RBFOX1: variants seen among roughly 807,000 people sequenced by gnomAD.
RBFOX1 encodes RNA binding fox-1 homolog 1, also known as RNA binding protein fox-1 homolog 1.
In RBFOX1, 8 loss-of-function variants were observed where a neutral mutation model predicts 57.7. The ratio of observed to expected loss-of-function variants is 0.14; its 90% CI spans 0.08 to 0.25. The LOEUF is 0.25. Ranked by LOEUF, RBFOX1 falls within the 10% of genes least tolerant of loss-of-function variation. The pLI is 1.00. For missense variants in RBFOX1, 611 were observed against 548.5 expected (o/e 1.11, Z -1.14); for synonymous variants, 326 against 222.4 (o/e 1.47, Z -4.15).
intron 4 of RBFOX1, among the ~76,000 whole-genome samples, chr16:7,057,299 A>T (rs1241293813): frequency 6.6e-6 from 1 of 152,190 alleles, no homozygotes; most frequent in African/African-American, 2.4e-5. Context: ...GATTCCAGCT[A>T]TCTTAAGCAG....
intron 1 of RBFOX1, among the ~76,000 whole-genome samples, chr16:5,355,965 C>T (rs2065378174): frequency 6.6e-6 from 1 of 152,132 alleles, no homozygotes; most frequent in Admixed American, 6.5e-5. Context: ...GTGGCCCGTG[C>T]CTGTAATCTC....
chr16:7,059,763 C>A (rs956662904), intron 4 of RBFOX1, among the ~76,000 whole-genome samples: 2 of 152,166 alleles, frequency 1.3e-5, no homozygotes, highest in African/African-American at 4.8e-5. Flanking sequence ...TCACCCGTTG[C>A]AGTGTCTGCT....
intron 2 of RBFOX1, among the ~76,000 whole-genome samples, chr16:6,370,964 C>T (rs1403908831): frequency 1.3e-5 from 2 of 152,150 alleles, no homozygotes; most frequent in African/African-American, 2.4e-5. Context: ...CAATTTGGGT[C>T]TTTCAGCTGT....
At chr16:7,587,525 A>C (rs1259613427) in intron 7 of RBFOX1, among the ~76,000 whole-genome samples, 1 of 152,174 alleles carries the variant, frequency 6.6e-6, no homozygotes, top group African/African-American at 2.4e-5. Context: ...ATATATATCA[A>C]GTTTCCAGAG....
intron 1 of RBFOX1, among the ~76,000 whole-genome samples, chr16:6,275,406 C>T (rs2075695793): frequency 6.6e-6 from 1 of 152,216 alleles, no homozygotes. Flanking sequence ...GGTGGTATTT[C>T]TGCAGTGCTT....
At chr16:6,471,541 C>T (rs565285563) in intron 2 of RBFOX1, among the ~76,000 whole-genome samples, 3 of 148,986 alleles carry the variant, frequency 2.0e-5, no homozygotes, top group African/African-American at 2.5e-5. Flanking sequence ...ATTTCTGTGA[C>T]ATTCTCAGGT....
chr16:7,047,937 G>A (rs1301975918), intron 3 of RBFOX1, among the ~76,000 whole-genome samples: 1 of 151,592 alleles, frequency 6.6e-6, no homozygotes, highest in Non-Finnish European at 1.5e-5. Context: ...GGAGTGCAGT[G>A]GTGCAGTCTT....
chr16:6,226,167 C>T, intron 1 of RBFOX1, among the ~76,000 whole-genome samples: 1 of 147,466 alleles, frequency 6.8e-6, no homozygotes, highest in East Asian at 2.0e-4. Flanking sequence ...CGAGACCAGC[C>T]TGCAACATGG....
In RBFOX1 at chr16:6,903,496, G is replaced by A. The variant is rs2068986764; in HGVS notation, c.-15-148561G>A. Among the ~76,000 whole-genome samples, 9 of 152,264 alleles carry A rather than the reference G, an allele frequency of 5.9e-5. No individual in the cohort carries two copies. In the Middle Eastern group the frequency reaches 0.02, roughly 345 times the overall value. On this transcript the variant is annotated intron_variant, in intron 3 of 15. Coordinates refer to ENST00000550418, the MANE Select transcript of RBFOX1 (RefSeq NM_018723.4). ...AGTGTCTAGTGTTCAGCAAGTGCTGGTAAAATAAATACATGATGTGGGGGA... is the reference window on the plus strand; with the variant it reads ...AGTGTCTAGTGTTCAGCAAGTGCTGATAAAATAAATACATGATGTGGGGGA...
At chr16:6,892,705 G>A (rs765465217) in intron 3 of RBFOX1, among the ~76,000 whole-genome samples, 2 of 151,706 alleles carry the variant, frequency 1.3e-5, no homozygotes, top group Non-Finnish European at 2.9e-5. Context: ...GTGAAGTACA[G>A]TGCTATTTGT....
intron 3 of RBFOX1, among the ~76,000 whole-genome samples, chr16:5,666,231 G>T (rs1394348350): frequency 6.6e-6 from 1 of 152,180 alleles, no homozygotes; most frequent in Non-Finnish European, 1.5e-5. Context: ...GGGGCATCTG[G>T]TCCAGTTCCC....
At chr16:7,535,519 G>C (rs527347211) in intron 5 of RBFOX1, among the ~76,000 whole-genome samples, 10 of 152,314 alleles carry the variant, frequency 6.6e-5, no homozygotes, top group African/African-American at 2.2e-4. Flanking sequence ...AGGGAAGGGA[G>C]GCCTTCCATG....
intron 4 of RBFOX1, among the ~76,000 whole-genome samples, chr16:7,486,922 T>C (rs2065554960): frequency 6.6e-6 from 1 of 152,164 alleles, no homozygotes; most frequent in Admixed American, 6.5e-5. Context: ...CTTTTTGAAA[T>C]GGAGTCTTGC....
At chr16:5,399,609 T>G (rs761851808) in intron 1 of RBFOX1, among the ~76,000 whole-genome samples, 7 of 152,232 alleles carry the variant, frequency 4.6e-5, no homozygotes, top group Admixed American at 1.3e-4. Flanking sequence ...GGTGCCCATC[T>G]GTAGTCCCAG....
At chr16:6,503,428 T>C (rs1452244956) in intron 2 of RBFOX1, among the ~76,000 whole-genome samples, 1 of 152,178 alleles carries the variant, frequency 6.6e-6, no homozygotes, top group African/African-American at 2.4e-5. Flanking sequence ...AAAAATCATA[T>C]GTTTGTTCAC....
At chr16:5,907,853 C>G (rs1354716665) in intron 4 of RBFOX1, among the ~76,000 whole-genome samples, 2 of 151,570 alleles carry the variant, frequency 1.3e-5, no homozygotes, top group African/African-American at 2.4e-5. Flanking sequence ...CAGGTTCAAG[C>G]AATTCTCCTG....
chr16:7,708,761 C>G (rs1171809383), intron 14 of RBFOX1, among the ~76,000 whole-genome samples: 1 of 152,152 alleles, frequency 6.6e-6, no homozygotes, highest in African/African-American at 2.4e-5. Context: ...TCTAAGGCAG[C>G]TACTTGAGCA....
At chr16:6,793,079 G>C (rs2083284442) in intron 3 of RBFOX1, among the ~76,000 whole-genome samples, 1 of 151,712 alleles carries the variant, frequency 6.6e-6, no homozygotes, top group Admixed American at 6.6e-5. Flanking sequence ...TTAGCCACTT[G>C]GATGCTCTCT....
chr16:6,038,079 G>A (rs978251515), intron 1 of RBFOX1: 22 of 151,926 alleles, frequency 1.4e-4, no homozygotes, highest in African/African-American at 1.5e-4. Context: ...ATTTTTTGGC[G>A]GGGGATTGAC....
Sources: allele counts gnomAD v4.1 joint callset (sites outside exome capture counted in the v4.1 genomes callset), GRCh38; gene constraint gnomAD v4.1.1; transcripts MANE v1.5; gene names NCBI Gene and HGNC (gene_info 2026-07-23, HGNC 2026-07-21).